The following UBE3D variants were observed in gnomAD, a reference collection of about 807,000 sequenced individuals.
UBE3D encodes ubiquitin protein ligase E3D.
In UBE3D, 48 loss-of-function variants were observed where a neutral mutation model predicts 49.6. That is an observed-to-expected ratio of 0.97 (90% CI 0.77 to 1.23). UBE3D has a LOEUF of 1.23. Ranked by LOEUF, UBE3D falls within the 50% of genes most tolerant of loss-of-function variation. The probability of loss-of-function intolerance (pLI) is 0.00; values close to 1 mark genes in which losing one functional copy is unlikely to be tolerated. For synonymous variants in UBE3D, 189 were observed against 174.2 expected (o/e 1.08, Z -0.67); for missense variants, 452 against 468.4 (o/e 0.96, Z 0.32).
intron 8 of UBE3D, among the ~76,000 whole-genome samples, chr6:82,959,540 C>A (rs1423024651): frequency 6.6e-6 from 1 of 151,720 alleles, no homozygotes; most frequent in Non-Finnish European, 1.5e-5. Context: ...CTATTTGCAG[C>A]GTCATAATAA....
At chr6:82,977,020 A>G (rs1222407129) in intron 8 of UBE3D, among the ~76,000 whole-genome samples, 1 of 147,122 alleles carries the variant, frequency 6.8e-6, no homozygotes, top group Non-Finnish European at 1.5e-5. Flanking sequence ...AGGCTGAGGC[A>G]GGAGAATGGC....
At chr6:82,884,780 G>C in the UBE3D span, among the ~76,000 whole-genome samples, 446 of 152,308 alleles carry the variant, frequency 2.9e-3, 16 homozygotes, top group South Asian at 0.061. Context: ...GGGGAAATAC[G>C]AATGGAAGGG....
At position 83,044,641 on chromosome 6, in the gene UBE3D, G is replaced by A. The variant is rs76697527; in HGVS notation, c.384C>T (p.Leu128=). ...IIKDRKLLRV[L]PLPSENWGAL... is the part of the protein sequence containing the mutation. ...CTCCCCAGTTCTCACTCGGCAGTGG[G>A]AGCACCCTGAGGAGCTTCCTAGTGG... The change falls in exon 4 of 10, where the codon CTC becomes CTT. Residue 128 remains leucine (L), a synonymous_variant. Transcript: ENST00000369747. The A allele has an allele frequency of 1.3e-4, 205 of 1,613,916 alleles. 1 individual carries two copies. In the East Asian group the frequency reaches 4.4e-3, roughly 34 times the overall value.
In UBE3D at chr6:83,022,491, A is replaced by T; in HGVS notation, c.808T>A (p.Phe270Ile). ...QLSSARSTFRFTIQGQDDKVY... is the reference protein window; with the variant it reads ...QLSSARSTFRITIQGQDDKVY... ...TTGTCATCCTGACCTTGAATCGTGA[A>T]TCTAAAAGTGCTTCTAGCAGAGGAG... is the stretch of plus-strand genomic sequence containing the variant. The change falls in exon 7 of 10, where the codon TTC becomes ATC. Residue 270 changes from phenylalanine to isoleucine, a missense_variant. Transcript: ENST00000369747. 6.2e-7 allele frequency: 1 copy of T among 1,606,618 alleles called. No homozygotes were observed. Among genetic ancestry groups the T allele is most frequent in the South Asian group, 1.1e-5 (1 of 89,582 alleles).
chr6:82,901,750 C>A (rs1771753626), intron 9 of UBE3D, among the ~76,000 whole-genome samples: 1 of 152,142 alleles, frequency 6.6e-6, no homozygotes, highest in Non-Finnish European at 1.5e-5. Flanking sequence ...TCTGTTTCCT[C>A]TAGAAGACAA....
intron 8 of UBE3D, among the ~76,000 whole-genome samples, chr6:82,992,166 T>C (rs987868758): frequency 3.3e-5 from 5 of 151,430 alleles, no homozygotes; most frequent in African/African-American, 1.2e-4. Flanking sequence ...GGTAAAGAAG[T>C]AGATTTGTAG....
At chr6:82,932,502 G>C (rs1339268602) in intron 9 of UBE3D, 1 of 151,860 alleles carries the variant, frequency 6.6e-6, no homozygotes, top group East Asian at 1.9e-4. Flanking sequence ...TAAACTTTAG[G>C]TTAAATTTAA....
chr6:82,889,647 T>C (rs1466499855), downstream of UBE3D, among the ~76,000 whole-genome samples: 1 of 152,168 alleles, frequency 6.6e-6, no homozygotes, highest in Non-Finnish European at 1.5e-5. Context: ...CTAATCTTTC[T>C]TAACCCATCT....
intron 7 of UBE3D, among the ~76,000 whole-genome samples, chr6:83,021,338 G>C (rs1010090204): frequency 2.0e-5 from 3 of 152,136 alleles, no homozygotes; most frequent in African/African-American, 7.2e-5. Context: ...CTATTCAGAA[G>C]GCTGAGGTGG....
At chr6:82,915,610 C>T (rs1025345574) in intron 9 of UBE3D, among the ~76,000 whole-genome samples, 3 of 152,126 alleles carry the variant, frequency 2.0e-5, no homozygotes, top group African/African-American at 4.8e-5. Flanking sequence ...CTACCTCTCC[C>T]GCCCACCACA....
intron 3 of UBE3D, among the ~76,000 whole-genome samples, chr6:83,049,996 A>C (rs1238335147): frequency 1.3e-5 from 2 of 152,230 alleles, no homozygotes; most frequent in African/African-American, 2.4e-5. Context: ...CAAATTTTAT[A>C]GAAAAACTGC....
At chr6:83,010,906 C>A (rs1439979849) in intron 8 of UBE3D, among the ~76,000 whole-genome samples, 1 of 152,088 alleles carries the variant, frequency 6.6e-6, no homozygotes, top group African/African-American at 2.4e-5. Flanking sequence ...TTTGGCAACA[C>A]CCTCATCGAC....
downstream of UBE3D, among the ~76,000 whole-genome samples, chr6:82,887,794 T>C (rs1416025030): frequency 6.6e-6 from 1 of 152,088 alleles, no homozygotes; most frequent in Non-Finnish European, 1.5e-5. Flanking sequence ...TTAAAACTAA[T>C]GATGACTAAT....
the UBE3D span, among the ~76,000 whole-genome samples, chr6:82,884,542 G>A: frequency 6.6e-6 from 1 of 152,110 alleles, no homozygotes; most frequent in South Asian, 2.1e-4. Flanking sequence ...TCACCTCATT[G>A]TCTACTCCCC....
chr6:83,060,181 C>T (rs79501921), intron 1 of UBE3D, among the ~76,000 whole-genome samples: 222 of 152,240 alleles, frequency 1.5e-3, no homozygotes, highest in African/African-American at 5.2e-3. Flanking sequence ...CACAAACATT[C>T]AGTCCATAAC....
At chr6:82,900,399 A>T (rs1771645735) in intron 9 of UBE3D, among the ~76,000 whole-genome samples, 2 of 152,214 alleles carry the variant, frequency 1.3e-5, no homozygotes, top group African/African-American at 2.4e-5. Flanking sequence ...ATATCAGTAC[A>T]ACTGGAAATC....
chr6:83,011,063 G>T (rs187161589), intron 8 of UBE3D, among the ~76,000 whole-genome samples: 2 of 151,936 alleles, frequency 1.3e-5, no homozygotes, highest in Non-Finnish European at 2.9e-5. Flanking sequence ...TCATAATTAC[G>T]CCTAACATAA....
chr6:82,889,790 TG>T (rs1470886418), downstream of UBE3D, among the ~76,000 whole-genome samples: 1 of 152,032 alleles, frequency 6.6e-6, no homozygotes, highest in Non-Finnish European at 1.5e-5. Context: ...TATCTCTATC[TG>T]CAGTACCTGT....
chr6:83,027,976 A>G (rs1781600430), intron 5 of UBE3D, among the ~76,000 whole-genome samples: 1 of 152,258 alleles, frequency 6.6e-6, no homozygotes, highest in African/African-American at 2.4e-5. Flanking sequence ...GCTACACAGC[A>G]GGTTTTTCTT....
Sources: allele counts gnomAD v4.1 joint callset (sites outside exome capture counted in the v4.1 genomes callset), GRCh38; gene constraint gnomAD v4.1.1; transcripts MANE v1.5; gene names NCBI Gene and HGNC (gene_info 2026-07-23, HGNC 2026-07-21).